ROBO2: variants seen among roughly 807,000 people sequenced by gnomAD.
ROBO2 encodes the protein roundabout homolog 2.
A neutral mutation model predicts 160.8 loss-of-function variants in ROBO2; 53 were observed. The observed-to-expected ratio is 0.33, with a 90% CI of 0.26 to 0.41. The LOEUF is 0.41. Among genes scored for constraint, ROBO2 ranks in the 10% least tolerant of loss-of-function variants. The pLI is 1.00. For missense variants in ROBO2, 1,577 were observed against 1,722.4 expected (o/e 0.92, Z 1.49); for synonymous variants, 664 against 611.7 (o/e 1.09, Z -1.26).
intron 21 of ROBO2, among the ~76,000 whole-genome samples, chr3:77,612,940 G>A (rs368435541): frequency 6.6e-6 from 1 of 151,842 alleles, no homozygotes; most frequent in South Asian, 2.1e-4. Context: ...GTGACAGAGC[G>A]AGACTCCGTC....
intron 2 of ROBO2, among the ~76,000 whole-genome samples, chr3:76,208,655 C>G (rs990881051): frequency 1.1e-4 from 17 of 152,118 alleles, no homozygotes; most frequent in African/African-American, 2.9e-4. Flanking sequence ...CTAGAAATCT[C>G]TCTGAGATTT....
intron 2 of ROBO2, among the ~76,000 whole-genome samples, chr3:77,402,350 G>C (rs1305197801): frequency 1.3e-5 from 2 of 151,972 alleles, no homozygotes; most frequent in Admixed American, 1.3e-4. Context: ...AGGTTGATGG[G>C]TGCAACAAAC....
intron 2 of ROBO2, among the ~76,000 whole-genome samples, chr3:75,963,866 C>A (rs1949012267): frequency 6.6e-6 from 1 of 151,678 alleles, no homozygotes; most frequent in African/African-American, 2.4e-5. Context: ...TGATTTTTAC[C>A]CCTTTCCAAA....
At chr3:77,647,436 A>C (rs1392489804) in exon 26 of ROBO2, 1 of 152,192 alleles carries the variant, frequency 6.6e-6, no homozygotes, top group Non-Finnish European at 1.5e-5. Flanking sequence ...GAAATTGAAA[A>C]GAAAAATTTA....
chr3:76,848,420 T>C (rs1456753409), intron 2 of ROBO2, among the ~76,000 whole-genome samples: 1 of 152,116 alleles, frequency 6.6e-6, no homozygotes, highest in Non-Finnish European at 1.5e-5. Context: ...CAGCGTGAAG[T>C]CTTTTCCCAT....
intron 2 of ROBO2, among the ~76,000 whole-genome samples, chr3:76,106,481 G>T (rs1006151975): frequency 9.2e-5 from 14 of 152,000 alleles, no homozygotes; most frequent in African/African-American, 3.4e-4. Context: ...GCTTGGACTT[G>T]AATAGAACGT....
intron 2 of ROBO2, among the ~76,000 whole-genome samples, chr3:77,254,897 G>A (rs1294013036): frequency 6.6e-6 from 1 of 152,196 alleles, no homozygotes; most frequent in Non-Finnish European, 1.5e-5. Context: ...TCTGACACAA[G>A]GTCTAATGAC....
chr3:77,280,655 G>A (rs764923809), intron 2 of ROBO2, among the ~76,000 whole-genome samples: 48 of 150,568 alleles, frequency 3.2e-4, no homozygotes, highest in Middle Eastern at 3.5e-3. Context: ...ATGGTCTCAT[G>A]AAACCCCTGC....
At chr3:76,158,062 T>C (rs150010980) in intron 2 of ROBO2, among the ~76,000 whole-genome samples, 1 of 152,278 alleles carries the variant, frequency 6.6e-6, no homozygotes, top group Non-Finnish European at 1.5e-5. Context: ...TGGGAACCAA[T>C]GACTTCACAG....
chr3:77,519,001 G>C lies in ROBO2; in HGVS notation c.807-3774G>C, dbSNP rs7636989. 8.7e-3 allele frequency among the ~76,000 whole-genome samples: 1,315 copies of C among 151,482 alleles called. 19 individuals carry two copies. Among genetic ancestry groups the C allele is most frequent in the African/African-American group, 0.03 (1,255 of 41,444 alleles). ...TTTTACAATCTGTATCTGAAAACCT[G>C]TTCTATAGGTAGAAAAAAAATAGAT... On this transcript the variant is annotated intron_variant, in intron 5 of 25. Transcript: ENST00000461745.
chr3:76,534,585 TG>T (rs2082395286), intron 2 of ROBO2, among the ~76,000 whole-genome samples: 1 of 152,098 alleles, frequency 6.6e-6, no homozygotes, highest in Non-Finnish European at 1.5e-5. Context: ...AAGCTGAGGC[TG>T]GCAAAGAGAG....
intron 2 of ROBO2, among the ~76,000 whole-genome samples, chr3:76,088,531 A>G (rs1336514333): frequency 6.6e-6 from 1 of 152,116 alleles, no homozygotes. Context: ...ATCAGAGTAC[A>G]ATGGAATTAC....
chr3:76,568,803 CCTCTT>C (rs2084772828), intron 2 of ROBO2, among the ~76,000 whole-genome samples: 1 of 152,084 alleles, frequency 6.6e-6, no homozygotes, highest in Non-Finnish European at 1.5e-5. Context: ...TGATTTGTCA[CCTCTT>C]ATCTAATAGA....
At chr3:76,114,345 A>G (rs962937486) in intron 2 of ROBO2, among the ~76,000 whole-genome samples, 1 of 152,114 alleles carries the variant, frequency 6.6e-6, no homozygotes, top group Non-Finnish European at 1.5e-5. Context: ...AATGGAATAA[A>G]TTGATTCTAT....
At chr3:77,329,980 A>T (rs981932752) in intron 2 of ROBO2, among the ~76,000 whole-genome samples, 1 of 152,224 alleles carries the variant, frequency 6.6e-6, no homozygotes, top group Non-Finnish European at 1.5e-5. Flanking sequence ...GCCAAAAAAC[A>T]TGAACTTCAC....
At chr3:77,117,195 A>C (rs1039802052) in intron 2 of ROBO2, among the ~76,000 whole-genome samples, 2 of 152,206 alleles carry the variant, frequency 1.3e-5, no homozygotes, top group African/African-American at 4.8e-5. Flanking sequence ...ATTTGATGAA[A>C]TAGTTACTTG....
In ROBO2 at chr3:76,904,040, C is replaced by T. The variant is rs187176112; in HGVS notation, c.110-193974C>T. Among the ~76,000 whole-genome samples the T allele has an allele frequency of 2.9e-3, 440 of 152,190 alleles. 5 individuals are homozygous for T. Among genetic ancestry groups the T allele is most frequent in the Admixed American group, 7.5e-3 (115 of 15,290 alleles). On this transcript the variant is annotated intron_variant, in intron 2 of 26. Transcript: ENST00000487694. The stretch of plus-strand genomic sequence containing the variant: ...CTCTATTACCTTCACAAAAAAAGTA[C>T]ATGAAAAACTTAAGGATAATTTTTT...
chr3:76,084,655 A>G (rs1005661133), intron 2 of ROBO2, among the ~76,000 whole-genome samples: 2 of 152,162 alleles, frequency 1.3e-5, no homozygotes, highest in Admixed American at 6.6e-5. Flanking sequence ...TCTAAAGTCT[A>G]TCTCATACTA....
At chr3:77,208,866 G>A (rs986913405) in intron 2 of ROBO2, among the ~76,000 whole-genome samples, 1 of 152,186 alleles carries the variant, frequency 6.6e-6, no homozygotes, top group African/African-American at 2.4e-5. Context: ...ACATTGGGCT[G>A]TGTAGGTTAA....
Sources: allele counts gnomAD v4.1 joint callset (sites outside exome capture counted in the v4.1 genomes callset), GRCh38; gene constraint gnomAD v4.1.1; transcripts MANE v1.5; gene names NCBI Gene and HGNC (gene_info 2026-07-23, HGNC 2026-07-21).